GREB1L: variants seen among roughly 807,000 people sequenced by gnomAD.
The protein encoded by GREB1L is GREB1-like protein.
Under a neutral mutation model 200.8 loss-of-function variants are expected in GREB1L, and 17 were observed. The observed-to-expected ratio is 0.08, with a 90% CI of 0.06 to 0.13. The LOEUF (loss-of-function observed/expected upper bound fraction) is 0.13. Ranked by LOEUF, GREB1L falls within the 10% of genes least tolerant of loss-of-function variation. The pLI is 1.00. For synonymous variants in GREB1L, 789 were observed against 893.0 expected, an observed-to-expected ratio of 0.88 and a Z score of 2.08; for missense variants, 1,657 against 2,367.7, an observed-to-expected ratio of 0.70 and a Z score of 6.23.
intron 1 of GREB1L, among the ~76,000 whole-genome samples, chr18:21,355,085 C>G (rs1269355765): frequency 2.6e-5 from 4 of 152,092 alleles, no homozygotes; most frequent in Non-Finnish European, 4.4e-5. Context: ...GCTTTAGTGT[C>G]CTTAGAGCAT....
At position 21,525,131 on chromosome 18, in the gene GREB1L, C is replaced by T. The variant is rs969528405; in HGVS notation, c.*2310C>T. 1 of 151,984 alleles carries T rather than the reference C, an allele frequency of 6.6e-6. No individual in the cohort carries two copies. Among genetic ancestry groups the T allele is most frequent in the Non-Finnish European group, 1.5e-5 (1 of 67,994 alleles). The allele number at this position is 151,984 out of a possible 1,614,324, so 9.4% of individuals were successfully genotyped here. A position where few individuals can be genotyped will look rare whatever the true frequency, so the allele number is the denominator to read the frequency against. ...TAACTCACCTGTAGACCTGCTGAAC[C>T]TCAGCATGTATGACAGTTCACACAG... On this transcript the variant is annotated 3_prime_UTR_variant, in exon 33 of 33. Transcript: ENST00000424526.
intron 1 of GREB1L, among the ~76,000 whole-genome samples, chr18:21,299,901 TAAA>T (rs1462530677): frequency 3.3e-5 from 5 of 152,110 alleles, no homozygotes; most frequent in Admixed American, 6.6e-5. Flanking sequence ...GACATTATGA[TAAA>T]ATAAATGTAT....
chr18:21,477,101 G>T, intron 16 of GREB1L, 63 bp from the exon 17 acceptor site: 2 of 1,058,420 alleles, frequency 1.9e-6, no homozygotes, highest in Non-Finnish European at 2.7e-6. Flanking sequence ...GTCCATGTTA[G>T]TGTCTGATTC....
rs2039168278 is a variant in GREB1L, at chr18:21,335,348, A to G, written c.-119-30679A>G. On this transcript the variant is annotated intron_variant, in intron 1 of 32. Coordinates refer to ENST00000424526, the MANE Select transcript of GREB1L (RefSeq NM_001142966.3). ...TTTATTAATAGCATATCATACCTTT[A>G]GCATTAAGAATAATGTTAAAACAAT... Among the ~76,000 whole-genome samples the G allele has an allele frequency of 2.0e-5, 3 of 152,200 alleles. No homozygotes were observed. The South Asian group carries it at 6.2e-4, about 32-fold the overall frequency.
intron 17 of GREB1L, among the ~76,000 whole-genome samples, chr18:21,482,146 A>T (rs548532805): frequency 3.3e-5 from 5 of 152,374 alleles, no homozygotes; most frequent in Non-Finnish European, 7.3e-5. Flanking sequence ...AGTAAAATGG[A>T]TGGGAGACAT....
rs2034088953 is a variant in GREB1L, at chr18:21,444,354, A to C, written c.1338A>C (p.Gln446His). ...AAAAATTAGGGTTGACCGGCAGCCAATTTCTGAGCGTGGAAAACATGATTC... is the reference window on the plus strand; with the variant it reads ...AAAAATTAGGGTTGACCGGCAGCCACTTTCTGAGCGTGGAAAACATGATTC... ...DLEKLGLTGS[Q>H]FLSVENMILL... is the part of the protein sequence containing the mutation. Residue 446 changes from glutamine (Q) to histidine (H), a missense_variant, in exon 11 of 33, where the codon CAA becomes CAC. Gln to His is a conservative substitution (Grantham distance 24, BLOSUM62 0). Coordinates refer to ENST00000424526, the MANE Select transcript of GREB1L (RefSeq NM_001142966.3). The C allele has an allele frequency of 6.4e-7, 1 of 1,552,188 alleles. No homozygotes were observed. Among genetic ancestry groups the C allele is most frequent in the African/African-American group, 1.4e-5 (1 of 73,036 alleles).
chr18:21,325,761 C>T (rs2039013020), intron 1 of GREB1L, among the ~76,000 whole-genome samples: 2 of 139,142 alleles, frequency 1.4e-5, no homozygotes, highest in African/African-American at 5.3e-5. Context: ...TGCAGTGAGC[C>T]GTGAATTATG....
At chr18:21,434,322 A>G (rs1376916149) in intron 7 of GREB1L, among the ~76,000 whole-genome samples, 4 of 151,852 alleles carry the variant, frequency 2.6e-5, no homozygotes, top group African/African-American at 7.3e-5. Flanking sequence ...CAAAAAATAC[A>G]AAAATTAGCT....
chr18:21,441,262 C>A, intron 9 of GREB1L, 138 bp from the exon 10 acceptor site: 1 of 730,676 alleles, frequency 1.4e-6, no homozygotes, highest in Admixed American at 3.8e-5. Flanking sequence ...TCACTTTACA[C>A]AATAAACCTA....
At chr18:21,407,509 C>T (rs2030401191) in intron 7 of GREB1L, among the ~76,000 whole-genome samples, 1 of 152,016 alleles carries the variant, frequency 6.6e-6, no homozygotes, top group Non-Finnish European at 1.5e-5. Flanking sequence ...CCAGTTGTAC[C>T]AGCACCATTT....
intron 7 of GREB1L, among the ~76,000 whole-genome samples, chr18:21,415,537 G>A (rs554988804): frequency 9.0e-4 from 136 of 151,918 alleles, no homozygotes; most frequent in African/African-American, 3.2e-3. Context: ...AAGGAAGGAA[G>A]GAAGAGAGCG....
rs2034661071 is a variant in GREB1L, at chr18:21,454,383, T to TTCC, written c.2003_2005dup (p.Phe668_His669insLeu). ...AATTTTAGATTTAGATAATGAAACC[T>TTCC]TCCACATTTATCAACCGCAGCTAAC... is the stretch of plus-strand genomic sequence containing the variant. On this transcript the variant is annotated inframe_insertion, in exon 15 of 33. Coordinates refer to ENST00000424526, the MANE Select transcript of GREB1L (RefSeq NM_001142966.3). The TTCC allele has an allele frequency of 1.3e-6, 2 of 1,551,132 alleles. No individual in the cohort carries two copies. The highest frequency in any genetic ancestry group is 2.7e-5 in the African/African-American group (2 of 73,036).
intron 1 of GREB1L, among the ~76,000 whole-genome samples, chr18:21,361,021 AT>A (rs1324446564): frequency 6.6e-5 from 10 of 152,202 alleles, no homozygotes; most frequent in African/African-American, 2.4e-4. Context: ...TCTGTTATCT[AT>A]TTTTAGGTCT....
chr18:21,506,067 T>C, intron 25 of GREB1L, 118 bp downstream of exon 25: 2 of 1,105,918 alleles, frequency 1.8e-6, no homozygotes, highest in Non-Finnish European at 2.5e-6. Context: ...TAAAGGATAG[T>C]TTACTCATAA....
At position 21,451,007 on chromosome 18, in the gene GREB1L, C is replaced by G. The variant is rs1200832211; in HGVS notation, c.1721-16C>G. 1 of 1,551,080 alleles carries G rather than the reference C, an allele frequency of 6.4e-7. No homozygotes were observed. Among genetic ancestry groups the G allele is most frequent in the Non-Finnish European group, 8.7e-7 (1 of 1,146,576 alleles). On this transcript the variant is annotated splice_polypyrimidine_tract_variant and intron_variant, in intron 12 of 32. Coordinates refer to ENST00000424526, the MANE Select transcript of GREB1L (RefSeq NM_001142966.3). ...GTTCTGTTGATGAGTCTTCTCTTCT[C>G]TCCTCCATCCTGCAGGTCAGCACCA...
chr18:21,325,246 A>G (rs538540868), intron 1 of GREB1L, among the ~76,000 whole-genome samples: 1 of 152,186 alleles, frequency 6.6e-6, no homozygotes, highest in Non-Finnish European at 1.5e-5. Context: ...GTGGACATGA[A>G]CCTTCTAGTC....
At chr18:21,401,063 A>G in intron 5 of GREB1L, 87 bp from the exon 6 acceptor site, 1 of 1,109,328 alleles carries the variant, frequency 9.0e-7, no homozygotes, top group African/African-American at 1.6e-5. Context: ...TGGGTCAAAG[A>G]ATGTGAATGT....
intron 7 of GREB1L, among the ~76,000 whole-genome samples, chr18:21,437,630 C>T (rs573382279): frequency 5.4e-4 from 81 of 151,060 alleles, no homozygotes; most frequent in African/African-American, 1.9e-3. Context: ...ATTAGAAATA[C>T]AGGGGACAAG....
chr18:21,423,895 T>C (rs1184261304), intron 7 of GREB1L, among the ~76,000 whole-genome samples: 2 of 152,080 alleles, frequency 1.3e-5, no homozygotes, highest in South Asian at 4.1e-4. Context: ...GGCTGGGACA[T>C]TTATTCTTAC....
Sources: gnomAD v4.1 joint callset for allele counts (sites outside exome capture counted in the v4.1 genomes callset) on GRCh38, gnomAD v4.1.1 for gene constraint, MANE v1.5 for transcripts, NCBI Gene and HGNC (gene_info 2026-07-23, HGNC 2026-07-21) for gene names.